USP48: variants seen among roughly 807,000 people sequenced by gnomAD.
USP48 encodes the protein ubiquitin carboxyl-terminal hydrolase 48.
USP48 carries 43 observed loss-of-function variants against 150.7 expected under a neutral mutation model. The observed-to-expected ratio is 0.29, with a 90% CI of 0.22 to 0.37. The LOEUF (loss-of-function observed/expected upper bound fraction) is 0.37, where lower values mean the gene tolerates loss of function less well. USP48 is among the 10% of genes least tolerant of loss of function. The pLI, the probability that USP48 is intolerant of heterozygous loss-of-function variation, is 1.00. For synonymous variants in USP48, 396 were observed against 425.9 expected (o/e 0.93, Z 0.86); for missense variants, 813 against 1,249.6 (o/e 0.65, Z 5.27).
intron 8 of USP48, among the ~76,000 whole-genome samples, chr1:21,744,847 TGA>T (rs1489183212): frequency 1.3e-5 from 2 of 150,676 alleles, no homozygotes; most frequent in South Asian, 4.2e-4. Flanking sequence ...GACTTGAGTT[TGA>T]GAGTCAGGGG....
chr1:21,700,359 A>G (rs1180014121), intron 22 of USP48, among the ~76,000 whole-genome samples: 2 of 152,136 alleles, frequency 1.3e-5, no homozygotes, highest in Non-Finnish European at 2.9e-5. Context: ...GCCACGGAAA[A>G]CAAATGCTGA....
rs899770105 is a variant in USP48 at position 21,783,034 on chromosome 1, C to T, written c.-77G>A. ...CGGTCTGCACCGCCGCCCCAATGGGCTTCGCCACCTGCCAGCAAGGAGGAC... is the reference window on the plus strand; with the variant it reads ...CGGTCTGCACCGCCGCCCCAATGGGTTTCGCCACCTGCCAGCAAGGAGGAC... On this transcript the variant is annotated 5_prime_UTR_variant, in exon 1 of 27. Coordinates refer to ENST00000308271, the MANE Select transcript of USP48 (RefSeq NM_032236.8). The T allele has an allele frequency of 6.4e-6, 9 of 1,414,672 alleles. No individual in the cohort carries two copies. The highest frequency in any genetic ancestry group is 5.5e-6 in the Non-Finnish European group (6 of 1,094,604). The allele number at this position is 1,414,672 out of a possible 1,614,324, so 87.6% of individuals were successfully genotyped here. A position where few individuals can be genotyped will look rare whatever the true frequency, so the allele number is the denominator to read the frequency against.
chr1:21,780,309 C>T (rs1412108055), intron 1 of USP48, among the ~76,000 whole-genome samples: 3 of 152,082 alleles, frequency 2.0e-5, no homozygotes, highest in Non-Finnish European at 4.4e-5. Context: ...CAAATGGCCA[C>T]GTACTGTATA....
chr1:21,728,101 T>C (rs2097744576), intron 11 of USP48: 1 of 985,758 alleles, frequency 1.0e-6, no homozygotes, highest in Non-Finnish European at 1.2e-6. Flanking sequence ...GCAGAAAGCT[T>C]TTCTACTCTT....
chr1:21,715,273 TAA>T, intron 15 of USP48, 114 bp downstream of exon 15: 1 of 663,598 alleles, frequency 1.5e-6, no homozygotes, highest in Non-Finnish European at 2.5e-6. Context: ...GAAATTCTAT[TAA>T]AAAAAATTTT....
chr1:21,762,279 A>G (rs995308990), intron 1 of USP48, among the ~76,000 whole-genome samples: 3 of 152,136 alleles, frequency 2.0e-5, no homozygotes, highest in Non-Finnish European at 4.4e-5. Context: ...CAAAAAAAAA[A>G]AGAAGAAACA....
chr1:21,771,176 C>T (rs1489678768), intron 1 of USP48, among the ~76,000 whole-genome samples: 1 of 151,676 alleles, frequency 6.6e-6, no homozygotes, highest in Admixed American at 6.6e-5. Flanking sequence ...GAAATCAAGA[C>T]CAACCTGGCC....
chr1:21,763,050 C>CA (rs1027877276), intron 1 of USP48, among the ~76,000 whole-genome samples: 1 of 151,906 alleles, frequency 6.6e-6, no homozygotes, highest in East Asian at 1.9e-4. Context: ...TGTCCCCACC[C>CA]AAAAATCATG....
Position 21,679,168 on chromosome 1 carries a change from G to T in USP48, c.*249C>A. ...TACTAAACTTGTTCCGTCTTTACTT[G>T]CCCCCTCCCACCCACCACCCCCCTT... is the stretch of plus-strand genomic sequence containing the variant. On this transcript the variant is annotated 3_prime_UTR_variant, in exon 27 of 27. Transcript: ENST00000308271. The T allele has an allele frequency of 5.6e-6, 3 of 531,238 alleles. No homozygotes were observed. Among genetic ancestry groups the T allele is most frequent in the Non-Finnish European group, 1.0e-5 (3 of 297,370 alleles). The allele number at this position is 531,238 out of a possible 1,614,324, so 32.9% of individuals were successfully genotyped here. A position where few individuals can be genotyped will look rare whatever the true frequency, so the allele number is the denominator to read the frequency against.
chr1:21,782,698 C>A, intron 1 of USP48, 126 bp downstream of exon 1: 1 of 1,362,362 alleles, frequency 7.3e-7, no homozygotes, highest in Non-Finnish European at 9.5e-7. Flanking sequence ...GGGGGAAACT[C>A]CACCTCGCTC....
chr1:21,735,819 T>G (rs973454258), intron 9 of USP48, among the ~76,000 whole-genome samples: 1 of 145,396 alleles, frequency 6.9e-6, no homozygotes, highest in African/African-American at 2.6e-5. Context: ...ACTTGAAAGG[T>G]AGAGTTTACA....
intron 1 of USP48, among the ~76,000 whole-genome samples, chr1:21,764,835 T>C (rs2097858083): frequency 6.6e-6 from 1 of 152,000 alleles, no homozygotes; most frequent in Non-Finnish European, 1.5e-5. Context: ...TCTAAACCTC[T>C]CATCGTGGTT....
intron 8 of USP48, among the ~76,000 whole-genome samples, chr1:21,744,856 G>A (rs910487945): frequency 2.7e-5 from 4 of 150,722 alleles, no homozygotes; most frequent in Admixed American, 6.6e-5. Context: ...TTGAGAGTCA[G>A]GGGCTAATGT....
At chr1:21,766,235 T>C (rs1177172334) in intron 1 of USP48, among the ~76,000 whole-genome samples, 1 of 151,918 alleles carries the variant, frequency 6.6e-6, no homozygotes, top group Non-Finnish European at 1.5e-5. Flanking sequence ...TAGCTGGGTT[T>C]GGTGGCGAAT....
At chr1:21,775,661 T>C (rs1178976914) in intron 1 of USP48, among the ~76,000 whole-genome samples, 1 of 152,206 alleles carries the variant, frequency 6.6e-6, no homozygotes, top group Non-Finnish European at 1.5e-5. Context: ...AATTTAGTAA[T>C]AGTCATATGA....
Position 21,772,579 on chromosome 1 carries a change from C to T in USP48, c.134+10245G>A, listed in dbSNP as rs374441892. On this transcript the variant is annotated intron_variant, in intron 1 of 26. Transcript: ENST00000308271. ...CGGAGCTCGCAGTGAGCCGAGATCG[C>T]GCCACTGCACTCCAGCCTGGGTGAC... 2.7e-4 allele frequency among the ~76,000 whole-genome samples: 41 copies of T among 150,144 alleles called. No individual in the cohort carries two copies. In the South Asian group the frequency reaches 7.4e-3, roughly 27 times the overall value.
At chr1:21,767,327 T>C (rs1342207760) in intron 1 of USP48, among the ~76,000 whole-genome samples, 1 of 152,116 alleles carries the variant, frequency 6.6e-6, no homozygotes, top group African/African-American at 2.4e-5. Context: ...TTTTTATTTT[T>C]ATTTTTTGAG....
intron 1 of USP48, among the ~76,000 whole-genome samples, chr1:21,759,976 T>C (rs765767415): frequency 3.9e-5 from 6 of 152,168 alleles, no homozygotes; most frequent in Non-Finnish European, 7.3e-5. Flanking sequence ...GTGGAGAAAC[T>C]TGACAGACAC....
rs193117089 is a variant in USP48, at chr1:21,771,380, A to C, written c.134+11444T>G. The stretch of plus-strand genomic sequence containing the variant: ...CAGAGCAAGACTCCATCTCAAAAAA[A>C]AATAAATTATTATTAATTATTAATA... On this transcript the variant is annotated intron_variant, in intron 1 of 26. Coordinates refer to ENST00000308271, the MANE Select transcript of USP48 (RefSeq NM_032236.8). 1.2e-3 allele frequency among the ~76,000 whole-genome samples: 178 copies of C among 148,942 alleles called. 1 individual carries two copies. The highest frequency in any genetic ancestry group is 4.2e-3 in the African/African-American group (170 of 40,744).
Sources: gnomAD v4.1 joint callset for allele counts (sites outside exome capture counted in the v4.1 genomes callset) on GRCh38, gnomAD v4.1.1 for gene constraint, MANE v1.5 for transcripts, NCBI Gene and HGNC (gene_info 2026-07-23, HGNC 2026-07-21) for gene names.